Variants in PCDH15 observed in about 807,000 individuals in gnomAD.
PCDH15 encodes the protein protocadherin-15.
Under a neutral mutation model 178.5 loss-of-function variants are expected in PCDH15, and 129 were observed. The observed-to-expected ratio is 0.72, with a 90% CI of 0.63 to 0.84. PCDH15 has a LOEUF of 0.84. PCDH15 is among the 40% of genes least tolerant of loss of function. PCDH15 has a pLI of 0.00. For missense variants in PCDH15, 2,230 were observed against 2,099.9 expected, an observed-to-expected ratio of 1.06 and a Z score of -1.21; for synonymous variants, 800 against 732.0, an observed-to-expected ratio of 1.09 and a Z score of -1.50.
intron 5 of PCDH15, among the ~76,000 whole-genome samples, chr10:54,353,180 A>G (rs1274555552): frequency 6.6e-6 from 1 of 152,182 alleles, no homozygotes; most frequent in Non-Finnish European, 1.5e-5. Flanking sequence ...TTTAACTAGT[A>G]AATATAACAT....
Position 54,451,630 on chromosome 10 carries a change from C to CT in PCDH15, c.158-72689dup, listed in dbSNP as rs200360150. Among the ~76,000 whole-genome samples the CT allele has an allele frequency of 2.7e-3, 409 of 151,940 alleles. 4 individuals are homozygous for CT. The highest frequency in any genetic ancestry group is 9.3e-3 in the African/African-American group (386 of 41,512). The stretch of plus-strand genomic sequence containing the variant: ...TTGGATAGTTTTTACACATGTAAAT[C>CT]TATAACATACATTTACCAAAATCTA... On this transcript the variant is annotated intron_variant, in intron 3 of 37. Coordinates refer to ENST00000644397, the MANE Select transcript of PCDH15 (RefSeq NM_001384140.1).
intron 8 of PCDH15, among the ~76,000 whole-genome samples, chr10:54,257,953 G>A (rs2057043117): frequency 6.6e-6 from 1 of 152,110 alleles, no homozygotes; most frequent in Non-Finnish European, 1.5e-5. Flanking sequence ...GCACGGCCCA[G>A]TACACATTAA....
intron 25 of PCDH15, among the ~76,000 whole-genome samples, chr10:53,911,838 C>G (rs1456965390): frequency 1.3e-5 from 2 of 152,122 alleles, no homozygotes; most frequent in Non-Finnish European, 2.9e-5. Context: ...CGGGACCAGA[C>G]AGATTCACAG....
chr10:53,920,739 T>A (rs2083928060), intron 25 of PCDH15, among the ~76,000 whole-genome samples: 1 of 152,148 alleles, frequency 6.6e-6, no homozygotes, highest in East Asian at 1.9e-4. Context: ...TTTTCCTCCA[T>A]CAACAAGCCC....
chr10:55,357,114 A>G (rs183404531), intron 2 of PCDH15, among the ~76,000 whole-genome samples: 1 of 152,086 alleles, frequency 6.6e-6, no homozygotes, highest in Admixed American at 6.6e-5. Flanking sequence ...GTGTAAAAAT[A>G]AAAAATCGCT....
chr10:55,445,726 A>T (rs1459952062), intron 2 of PCDH15, among the ~76,000 whole-genome samples: 2 of 152,168 alleles, frequency 1.3e-5, no homozygotes, highest in Non-Finnish European at 2.9e-5. Context: ...AAAAAATCCA[A>T]GAGCTTCACA....
chr10:55,179,392 G>A (rs1359690244), intron 1 of PCDH15, among the ~76,000 whole-genome samples: 4 of 152,102 alleles, frequency 2.6e-5, no homozygotes, highest in Non-Finnish European at 5.9e-5. Flanking sequence ...ATAGTTTGAA[G>A]CCTGAAAACT....
At chr10:55,413,153 AT>A (rs1461312547) in intron 2 of PCDH15, among the ~76,000 whole-genome samples, 1 of 151,860 alleles carries the variant, frequency 6.6e-6, no homozygotes, top group African/African-American at 2.4e-5. Flanking sequence ...AAGATTAAAA[AT>A]ATTTATTAAG....
At chr10:54,967,342 C>A (rs1194364940) in intron 2 of PCDH15, among the ~76,000 whole-genome samples, 1 of 152,158 alleles carries the variant, frequency 6.6e-6, no homozygotes, top group Non-Finnish European at 1.5e-5. Flanking sequence ...CACATGCACA[C>A]ACACATGAAA....
chr10:55,004,788 C>T (rs1591830711), intron 2 of PCDH15, among the ~76,000 whole-genome samples: 1 of 150,800 alleles, frequency 6.6e-6, no homozygotes, highest in African/African-American at 2.4e-5. Context: ...AGCAGGAAGA[C>T]CTACACTGAA....
At chr10:54,820,226 T>C (rs1953015780) in intron 3 of PCDH15, among the ~76,000 whole-genome samples, 1 of 152,042 alleles carries the variant, frequency 6.6e-6, no homozygotes, top group Non-Finnish European at 1.5e-5. Context: ...GCTTTCAGTC[T>C]CTGTAACTCA....
intron 2 of PCDH15, among the ~76,000 whole-genome samples, chr10:55,434,136 A>T (rs1170432304): frequency 1.7e-5 from 2 of 114,782 alleles, no homozygotes; most frequent in African/African-American, 7.0e-5. Context: ...GCTGGAGTGC[A>T]GTGGCGCCCT....
Position 53,805,912 on chromosome 10 carries a change from G to GTAAA in PCDH15, c.*663_*666dup, listed in dbSNP as rs1841120581. The GTAAA allele has an allele frequency of 6.6e-6, 1 of 152,028 alleles. No homozygotes were observed. Among genetic ancestry groups the GTAAA allele is most frequent in the African/African-American group, 2.4e-5 (1 of 41,392 alleles). 9.4% of individuals were successfully genotyped at this position (152,028 alleles called of 1,614,324 possible). On this transcript the variant is annotated 3_prime_UTR_variant, in exon 38 of 38. Transcript: ENST00000644397. Reference sequence around the variant, plus strand: ...TGAGATGAAGGGACAAGAGAATATTGTAAATAATATTGATAAAAAGACATA... The same window carrying GTAAA: ...TGAGATGAAGGGACAAGAGAATATTGTAAATAAATAATATTGATAAAAAGACATA...
intron 26 of PCDH15, among the ~76,000 whole-genome samples, chr10:53,876,992 G>A (rs2080295307): frequency 1.3e-5 from 2 of 151,788 alleles, no homozygotes; most frequent in Non-Finnish European, 2.9e-5. Context: ...AAAAATTACA[G>A]GATAACATCT....
intron 2 of PCDH15, among the ~76,000 whole-genome samples, chr10:55,084,110 G>A (rs1842105739): frequency 6.6e-6 from 1 of 151,806 alleles, no homozygotes; most frequent in African/African-American, 2.4e-5. Flanking sequence ...ACCCAGAATA[G>A]CCAAAGTCAT....
At chr10:55,598,835 C>A (rs1232988191) in intron 2 of PCDH15, among the ~76,000 whole-genome samples, 1 of 151,804 alleles carries the variant, frequency 6.6e-6, no homozygotes, top group African/African-American at 2.4e-5. Context: ...AATCGTAACA[C>A]GGTAAGTGTA....
chr10:54,845,577 C>G (rs191890163), intron 3 of PCDH15, among the ~76,000 whole-genome samples: 7 of 152,092 alleles, frequency 4.6e-5, no homozygotes, highest in Admixed American at 1.3e-4. Flanking sequence ...CTTATACAGG[C>G]TTTTATTATC....
chr10:54,510,203 A>G (rs2081527359), intron 3 of PCDH15, among the ~76,000 whole-genome samples: 1 of 152,192 alleles, frequency 6.6e-6, no homozygotes, highest in South Asian at 2.1e-4. Context: ...GCAGAGCCCT[A>G]AAGAAGTTAG....
intron 3 of PCDH15, among the ~76,000 whole-genome samples, chr10:54,880,323 A>G (rs1954239670): frequency 1.3e-5 from 2 of 152,066 alleles, no homozygotes; most frequent in Non-Finnish European, 2.9e-5. Context: ...TGTCTGCATA[A>G]AAGATTTTTC....
Sources: gnomAD v4.1 joint callset for allele counts (sites outside exome capture counted in the v4.1 genomes callset) on GRCh38, gnomAD v4.1.1 for gene constraint, MANE v1.5 for transcripts, NCBI Gene and HGNC (gene_info 2026-07-23, HGNC 2026-07-21) for gene names.